FAT1: variants seen among roughly 807,000 people sequenced by gnomAD.
FAT1 encodes protocadherin Fat 1.
FAT1 carries 171 observed loss-of-function variants against 329.8 expected under a neutral mutation model. The observed-to-expected ratio is 0.52, with a 90% CI of 0.46 to 0.59. FAT1 has a LOEUF of 0.59. Among genes scored for constraint, FAT1 ranks in the 20% least tolerant of loss-of-function variants. The pLI is 0.00. For synonymous variants in FAT1, 2,233 were observed against 2,228.6 expected (o/e 1.00, Z -0.06); for missense variants, 5,672 against 5,774.4 (o/e 0.98, Z 0.57).
rs756892934 is a variant in FAT1 at position 186,679,152 on chromosome 4, G to A, written c.3266-15539C>T. On this transcript the variant is annotated intron_variant, in intron 2 of 26. Coordinates refer to ENST00000441802, the MANE Select transcript of FAT1 (RefSeq NM_005245.4). ...TCCCAGCACTATGGGAGGCCGAGGC[G>A]GGTGGATCACGAGGTCAGGAGATCG... Among the ~76,000 whole-genome samples the A allele has an allele frequency of 5.9e-4, 89 of 152,126 alleles. 1 individual carries two copies. Among genetic ancestry groups the A allele is most frequent in the Non-Finnish European group, 8.5e-4 (58 of 67,996 alleles).
intron 2 of FAT1, among the ~76,000 whole-genome samples, chr4:186,676,303 G>A (rs1264138693): frequency 6.6e-6 from 1 of 150,900 alleles, no homozygotes; most frequent in Non-Finnish European, 1.5e-5. Context: ...AAAAAAACAG[G>A]GAGAAGAGGA....
At position 186,621,642 on chromosome 4, in the gene FAT1, A is replaced by G. The variant is rs2126527189; in HGVS notation, c.4944T>C (p.Ser1648=). ...KATDKGSPPM[S]EITSVRIFVT... is the part of the protein sequence containing the mutation. The stretch of plus-strand genomic sequence containing the variant: ...CAAAGATACGCACAGAAGTTATTTC[A>G]CTCATTGGTGGACTGCCCTTATCTG... The change falls in exon 10 of 27, where the codon AGT becomes AGC. Residue 1648 remains serine, a synonymous_variant. Transcript: ENST00000441802. The G allele has an allele frequency of 6.2e-7, 1 of 1,613,968 alleles. No individual in the cohort carries two copies. Among genetic ancestry groups the G allele is most frequent in the Non-Finnish European group, 8.5e-7 (1 of 1,179,888 alleles).
chr4:186,707,343 CA>C lies in FAT1; in HGVS notation c.2484del (p.Phe828LeufsTer4). On this transcript the variant is annotated frameshift_variant, in exon 2 of 27. Transcript: ENST00000441802. LOFTEE classifies it high-confidence loss of function. ...NPPEFLQESY[F>X]VEVSEDKEVH... ...ACCTCCTTGTCTTCACTCACTTCCA[CA>C]AAATAGCTCTCCTGTAAAAACTCGG... 1 of 1,614,008 alleles carries C rather than the reference CA, an allele frequency of 6.2e-7. No individual in the cohort carries two copies. The highest frequency in any genetic ancestry group is 8.5e-7 in the Non-Finnish European group (1 of 1,179,904).
rs371756999 is a variant in FAT1 at position 186,714,463 on chromosome 4, T to C, written c.-18-4618A>G. Among the ~76,000 whole-genome samples the C allele has an allele frequency of 1.6e-3, 247 of 151,944 alleles. 9 individuals are homozygous for C. In the South Asian group the frequency reaches 0.046, roughly 28 times the overall value. On this transcript the variant is annotated intron_variant, in intron 1 of 26. Coordinates refer to ENST00000441802, the MANE Select transcript of FAT1 (RefSeq NM_005245.4). The stretch of plus-strand genomic sequence containing the variant: ...CAGCTACGGGCTATCCAAGTAAAGA[T>C]TGTGAGTGGGCAGCAGATATGTGGG...
intron 14 of FAT1, among the ~76,000 whole-genome samples, chr4:186,610,572 TTTA>T (rs1469713208): frequency 7.1e-6 from 1 of 141,660 alleles, no homozygotes; most frequent in Non-Finnish European, 1.5e-5. Flanking sequence ...TAAAAATAAT[TTTA>T]TTATAAATAT....
chr4:186,597,808 A>G lies in FAT1; in HGVS notation c.12258-16T>C. The G allele has an allele frequency of 6.2e-7, 1 of 1,601,446 alleles. No individual in the cohort carries two copies. The highest frequency in any genetic ancestry group is 2.2e-5 in the East Asian group (1 of 44,794). On this transcript the variant is annotated splice_polypyrimidine_tract_variant and intron_variant, in intron 23 of 26. Transcript: ENST00000441802. ...AAGCTGACACCTGAAGAGTAAGGAG[A>G]AACAGACATAAACCTCATGATCCTA...
chr4:186,637,869 G>A (rs569098911), intron 4 of FAT1, among the ~76,000 whole-genome samples: 2 of 152,180 alleles, frequency 1.3e-5, no homozygotes, highest in Non-Finnish European at 2.9e-5. Flanking sequence ...CCTGTCAAAA[G>A]TATTTAAGTA....
chr4:186,616,065 A>G (rs1275415904), intron 11 of FAT1, among the ~76,000 whole-genome samples: 1 of 151,892 alleles, frequency 6.6e-6, no homozygotes, highest in Admixed American at 6.6e-5. Context: ...GTCACACCAG[A>G]TGGTCTTCCT....
At position 186,600,171 on chromosome 4, in the gene FAT1, G is replaced by C. The variant is rs2126412991; in HGVS notation, c.11830C>G (p.Leu3944Val). Residue 3944 changes from leucine (L) to valine (V), a missense_variant, in exon 22 of 27, where the codon CTG becomes GTG. Physicochemically the swap from Leu to Val is conservative, Grantham distance 32. Transcript: ENST00000441802. ...SGTAPGTLKT[L>V]NLDNYVFFGG... ...AAAAACACATAGTTATCCAGGTTCAGGGTTTTCAGAGTCCCTGGGGCTGTG... is the reference window on the plus strand; with the variant it reads ...AAAAACACATAGTTATCCAGGTTCACGGTTTTCAGAGTCCCTGGGGCTGTG... The C allele has an allele frequency of 6.2e-7, 1 of 1,614,068 alleles. No individual in the cohort carries two copies. The highest frequency in any genetic ancestry group is 8.5e-7 in the Non-Finnish European group (1 of 1,179,900).
At chr4:186,614,147 C>T (rs550740312) in intron 12 of FAT1, 44 bp downstream of exon 12, 2 of 1,525,532 alleles carry the variant, frequency 1.3e-6, no homozygotes, top group African/African-American at 1.4e-5. Context: ...ATATATGATA[C>T]TGTTGGAATA....
At chr4:186,713,678 CAG>C (rs1311425154) in intron 1 of FAT1, among the ~76,000 whole-genome samples, 2 of 152,184 alleles carry the variant, frequency 1.3e-5, no homozygotes, top group East Asian at 3.9e-4. Flanking sequence ...CTTTTTTAGA[CAG>C]AGTCTCGCTC....
Position 186,599,912 on chromosome 4 carries a change from G to A in FAT1, c.12089C>T (p.Pro4030Leu), listed in dbSNP as rs572074365. 20 of 1,610,306 alleles carry A rather than the reference G, an allele frequency of 1.2e-5. No individual in the cohort carries two copies. Among genetic ancestry groups the A allele is most frequent in the South Asian group, 2.2e-5 (2 of 90,948 alleles). The change falls in exon 22 of 27, where the codon CCG becomes CTG. Residue 4030 changes from proline to leucine, a missense_variant. Around this residue, in one of 2 missense-constraint regions of FAT1, gnomAD observed 1,706 missense variants for 1,859.1 expected, o/e 0.92. Transcript: ENST00000441802. ...ACGGAGCCCACCTCCAGCAGGTGAC[G>A]GATTGCAAACGCCTCCATTCTGGCA... Reference protein sequence around the residue: ...NPCQNGGVCNPSPAGGYYCKC... With the variant: ...NPCQNGGVCNLSPAGGYYCKC...
intron 7 of FAT1, among the ~76,000 whole-genome samples, chr4:186,631,761 A>G (rs573930237): frequency 2.3e-4 from 33 of 143,542 alleles, no homozygotes; most frequent in Admixed American, 4.8e-4. Context: ...CCATCCCCAC[A>G]GTATCCTAGT....
In FAT1 at chr4:186,723,781, G is replaced by C. The variant is rs1382181633; in HGVS notation, c.-136C>G. ...CTCGCCGGGCTCGCGCGTCCGCATGGTACCTGCCGCACGAGCCGCTCCCGC... is the reference window on the plus strand; with the variant it reads ...CTCGCCGGGCTCGCGCGTCCGCATGCTACCTGCCGCACGAGCCGCTCCCGC... On this transcript the variant is annotated 5_prime_UTR_variant, in exon 1 of 27. Transcript: ENST00000441802. The C allele has an allele frequency of 6.6e-6, 1 of 150,550 alleles. No individual in the cohort carries two copies. The highest frequency in any genetic ancestry group is 6.6e-5 in the Admixed American group (1 of 15,124). The allele number at this position is 150,550 out of a possible 1,614,324, so 9.3% of individuals were successfully genotyped here. A position where few individuals can be genotyped will look rare whatever the true frequency, so the allele number is the denominator to read the frequency against.
At chr4:186,706,417 C>T (rs1266566266) in intron 2 of FAT1, 146 bp downstream of exon 2, 8 of 813,210 alleles carry the variant, frequency 9.8e-6, no homozygotes, top group Non-Finnish European at 1.5e-5. Context: ...ATACAGCAGC[C>T]GGGCCAAAAA....
intron 2 of FAT1, among the ~76,000 whole-genome samples, chr4:186,677,336 T>C (rs1342690129): frequency 1.3e-5 from 2 of 152,324 alleles, no homozygotes; most frequent in South Asian, 2.1e-4. Context: ...TATGTCCTTT[T>C]ATGCTAACGC....
At chr4:186,595,648 A>T (rs528665067) in intron 26 of FAT1, 41 bp downstream of exon 26, 1 of 1,609,216 alleles carries the variant, frequency 6.2e-7, no homozygotes, top group African/African-American at 1.3e-5. Context: ...GTAACACAAC[A>T]AGCAAGCAAA....
At chr4:186,632,837 T>TAA (rs1740656490) in intron 7 of FAT1, among the ~76,000 whole-genome samples, 1 of 152,182 alleles carries the variant, frequency 6.6e-6, no homozygotes, top group African/African-American at 2.4e-5. Flanking sequence ...TGCACCTTGT[T>TAA]CTCTGACATT....
chr4:186,707,604 T>G lies in FAT1; in HGVS notation c.2224A>C (p.Thr742Pro). ...VGSSVIFMNS[T>P]DLDTGFNGKL... ...CCATTGAAGCCAGTGTCAAGGTCAGTGGAGTTCATGAAAATTACACTGGAA... is the reference window on the plus strand; with the variant it reads ...CCATTGAAGCCAGTGTCAAGGTCAGGGGAGTTCATGAAAATTACACTGGAA... The change falls in exon 2 of 27, where the codon ACT becomes CCT. Residue 742 changes from threonine (T) to proline (P), a missense_variant. Transcript: ENST00000441802. 6.2e-7 allele frequency: 1 copy of G among 1,614,000 alleles called. No homozygotes were observed. The highest frequency in any genetic ancestry group is 8.5e-7 in the Non-Finnish European group (1 of 1,179,886).
Sources: allele counts gnomAD v4.1 joint callset (sites outside exome capture counted in the v4.1 genomes callset), GRCh38; gene constraint gnomAD v4.1.1; regional missense constraint gnomAD v4.1.1; transcripts MANE v1.5; gene names NCBI Gene and HGNC (gene_info 2026-07-23, HGNC 2026-07-21).